The following COQ2 variants were observed in gnomAD, a reference collection of about 807,000 sequenced individuals.
COQ2 encodes the protein 4-hydroxybenzoate polyprenyltransferase, mitochondrial.
COQ2 carries 25 observed loss-of-function variants against 35.7 expected under a neutral mutation model. That is an observed-to-expected ratio of 0.70 (90% confidence interval 0.51 to 0.98). COQ2 has a LOEUF of 0.98. Among genes scored for constraint, COQ2 ranks in the 50% least tolerant of loss-of-function variants. The pLI, the probability that COQ2 is intolerant of heterozygous loss-of-function variation, is 0.00. For synonymous variants in COQ2, 206 were observed against 186.2 expected (o/e 1.11, Z -0.86); for missense variants, 488 against 473.5 (o/e 1.03, Z -0.28).
chr4:83,284,394 C>G lies in COQ2; in HGVS notation c.253+118G>C, dbSNP rs1196949547. On this transcript the variant is annotated intron_variant, in intron 1 of 6. Transcript: ENST00000647002. The stretch of plus-strand genomic sequence containing the variant: ...GCGCACGGCACCCGGCAGCCAAGCC[C>G]AAGCTTTCAGGTTCTCATTTCCATC... The G allele has an allele frequency of 3.4e-5, 48 of 1,421,446 alleles. No individual in the cohort carries two copies. The South Asian group carries it at 6.9e-4, about 21-fold the overall frequency. The allele number at this position is 1,421,446 out of a possible 1,614,324, so 88.1% of individuals were successfully genotyped here. A position where few individuals can be genotyped will look rare whatever the true frequency, so the allele number is the denominator to read the frequency against.
chr4:83,276,077 A>AAT (rs1300354853), intron 2 of COQ2, among the ~76,000 whole-genome samples: 35 of 139,058 alleles, frequency 2.5e-4, no homozygotes, highest in African/African-American at 6.6e-4. Context: ...TTTTATATAT[A>AAT]ATATATATAT....
At chr4:83,272,759 T>C (rs900429906) in intron 3 of COQ2, among the ~76,000 whole-genome samples, 5 of 152,140 alleles carry the variant, frequency 3.3e-5, no homozygotes, top group African/African-American at 1.2e-4. Context: ...TCCTTATATA[T>C]ATGATGCAGT....
At chr4:83,284,477 G>C in intron 1 of COQ2, 35 bp downstream of exon 1, 1 of 1,538,036 alleles carries the variant, frequency 6.5e-7, no homozygotes, top group Non-Finnish European at 8.8e-7. Context: ...GCTGCTACTT[G>C]CAAATTCCCG....
chr4:83,281,264 G>C (rs1448887996), intron 1 of COQ2, among the ~76,000 whole-genome samples: 1 of 152,214 alleles, frequency 6.6e-6, no homozygotes, highest in Non-Finnish European at 1.5e-5. Flanking sequence ...CTAGAGAAGA[G>C]AGAATACCAC....
At chr4:83,280,334 T>C (rs1437909394) in intron 1 of COQ2, among the ~76,000 whole-genome samples, 4 of 152,216 alleles carry the variant, frequency 2.6e-5, no homozygotes, top group Non-Finnish European at 5.9e-5. Flanking sequence ...TCTTTCCCTA[T>C]AGAGGGATAC....
chr4:83,276,820 A>T (rs1735196934), intron 2 of COQ2, among the ~76,000 whole-genome samples: 1 of 152,236 alleles, frequency 6.6e-6, no homozygotes, highest in Admixed American at 6.5e-5. Flanking sequence ...TGACTAGATT[A>T]AAAAATGTGG....
intron 1 of COQ2, chr4:83,282,643 CATATT>C (rs1372468720): frequency 9.2e-6 from 4 of 433,544 alleles, no homozygotes; most frequent in Non-Finnish European, 1.2e-5. Flanking sequence ...TTCTTCAGCA[CATATT>C]ATGACAGGCA....
chr4:83,276,429 T>C (rs7658552), intron 2 of COQ2, among the ~76,000 whole-genome samples: 96,493 of 152,034 alleles, frequency 0.63, 32,057 homozygotes, highest in East Asian at 0.87. Context: ...TTTGTTTCTG[T>C]TGTGTTTCCT....
In COQ2 at chr4:83,284,639, G is replaced by T; in HGVS notation, c.126C>A (p.Asp42Glu). ...ARAAGAPHGG[D>E]LQPPACPEPR... ...GCTCGGGACAGGCGGGGGGCTGCAA[G>T]TCACCACCGTGGGGCGCGCCTGCCG... The change falls in exon 1 of 7, where the codon GAC (aspartate) becomes GAA (glutamate). Residue 42 changes from aspartate to glutamate, a missense_variant. Physicochemically the swap from Asp to Glu is conservative, Grantham distance 45 (BLOSUM62 2). Transcript: ENST00000647002. 1.3e-6 allele frequency: 2 copies of T among 1,496,440 alleles called. No individual in the cohort carries two copies. The highest frequency in any genetic ancestry group is 8.9e-7 in the Non-Finnish European group (1 of 1,125,924). The allele number at this position is 1,496,440 out of a possible 1,614,324, so 92.7% of individuals were successfully genotyped here.
rs181399056 is a variant in COQ2 at position 83,270,081 on chromosome 4, G to A, written c.629-88C>T. The stretch of plus-strand genomic sequence containing the variant: ...GGAGTGGCATCGGAGTGTGTTCAGT[G>A]CTCCTGGGTATCAGACTCTGTGTGT... On this transcript the variant is annotated intron_variant, in intron 4 of 6. Coordinates refer to ENST00000647002, the MANE Select transcript of COQ2 (RefSeq NM_001358921.2). The A allele has an allele frequency of 1.7e-5, 24 of 1,410,020 alleles. No homozygotes were observed. The East Asian group carries it at 4.8e-4, about 28-fold the overall frequency. The allele number at this position is 1,410,020 out of a possible 1,614,324, so 87.3% of individuals were successfully genotyped here. A position where few individuals can be genotyped will look rare whatever the true frequency, so the allele number is the denominator to read the frequency against.
At chr4:83,281,742 A>G (rs1260966471) in intron 1 of COQ2, 1 of 152,194 alleles carries the variant, frequency 6.6e-6, no homozygotes, top group Non-Finnish European at 1.5e-5. Flanking sequence ...GATAGGCACT[A>G]TTTTTATTAC....
In COQ2 at chr4:83,284,589, G is replaced by A. The variant is rs538991018; in HGVS notation, c.176C>T (p.Ser59Phe). ...CGCAGAGTCCACCACCGCCGCCGCGGACAAACTGAGCTGGCGCCCGCGCGG... is the reference window on the plus strand; with the variant it reads ...CGCAGAGTCCACCACCGCCGCCGCGAACAAACTGAGCTGGCGCCCGCGCGG... ...PEPRGRQLSL[S>F]AAAVVDSAPR... is the part of the protein sequence containing the mutation. Residue 59 changes from serine to phenylalanine, a missense_variant, in exon 1 of 7, where the codon TCC becomes TTC. By Grantham distance (155) the Ser-to-Phe change is radical. Transcript: ENST00000647002. 8 of 1,545,614 alleles carry A rather than the reference G, an allele frequency of 5.2e-6. No homozygotes were observed. In the South Asian group the frequency reaches 9.6e-5, roughly 18 times the overall value.
rs886059669 is a variant in COQ2 at position 83,267,729 on chromosome 4, G to A, written c.808C>T (p.Arg270Trp). The A allele has an allele frequency of 8.2e-5, 128 of 1,551,984 alleles. 1 individual carries two copies. The highest frequency in any genetic ancestry group is 3.5e-4 in the Admixed American group (18 of 50,968). ...VLIGLKSTALRFGENTKPWLS... is the reference protein window; with the variant it reads ...VLIGLKSTALWFGENTKPWLS... ...CACGGCTTGGTATTTTCTCCGAACCGCAGAGCCGTTGACTTAAGACCAATC... is the reference window on the plus strand; with the variant it reads ...CACGGCTTGGTATTTTCTCCGAACCACAGAGCCGTTGACTTAAGACCAATC... Residue 270 changes from arginine to tryptophan, a missense_variant, in exon 6 of 7, where the codon CGG becomes TGG. Arg to Trp is a moderately radical substitution (Grantham distance 101). Transcript: ENST00000647002.
intron 1 of COQ2, among the ~76,000 whole-genome samples, chr4:83,280,658 A>G (rs1735298838): frequency 6.6e-6 from 1 of 152,234 alleles, no homozygotes; most frequent in Non-Finnish European, 1.5e-5. Context: ...ATAAAACAAA[A>G]CTATCTAAGT....
chr4:83,283,576 T>G (rs561962808), intron 1 of COQ2: 2 of 985,490 alleles, frequency 2.0e-6, no homozygotes, highest in African/African-American at 3.5e-5. Context: ...TTTCTCTTTT[T>G]CCTGTAGCAC....
intron 5 of COQ2, among the ~76,000 whole-genome samples, chr4:83,269,231 AT>A (rs1049466752): frequency 2.6e-5 from 4 of 151,970 alleles, no homozygotes; most frequent in East Asian, 3.9e-4. Flanking sequence ...GAAACTGTGA[AT>A]TTTTTTTTAA....
Position 83,284,526 on chromosome 4 carries a change from A to G in COQ2, c.239T>C (p.Leu80Ser). Residue 80 changes from leucine to serine, a missense_variant, in exon 1 of 7, where the codon TTG becomes TCG. Transcript: ENST00000647002. The stretch of plus-strand genomic sequence containing the variant: ...CCCGCACTCACCAATGGGCTTGTCC[A>G]ACCGCATGAGGCGCAAGTACGGCTG... The part of the protein sequence containing the change: ...PLQPYLRLMR[L>S]DKPIGTWLLY... The G allele has an allele frequency of 1.3e-6, 2 of 1,575,224 alleles. No individual in the cohort carries two copies. The highest frequency in any genetic ancestry group is 1.7e-6 in the Non-Finnish European group (2 of 1,162,406).
chr4:83,275,069 T>C (rs533265057), intron 2 of COQ2, among the ~76,000 whole-genome samples: 1 of 152,348 alleles, frequency 6.6e-6, no homozygotes, highest in South Asian at 2.1e-4. Context: ...TCAAGAATGT[T>C]TGTAATTGCT....
chr4:83,271,347 T>G lies in COQ2; in HGVS notation c.628+740A>C, dbSNP rs1336461997. ...AATCCTATGGTAGCCCAGAAGAGAC[T>G]GTCTAACTTCTTCCTGAGAGGCTTC... On this transcript the variant is annotated intron_variant, in intron 4 of 6. Transcript: ENST00000647002. Among the ~76,000 whole-genome samples, 4 of 152,170 alleles carry G rather than the reference T, an allele frequency of 2.6e-5. No individual in the cohort carries two copies. The East Asian group carries it at 7.7e-4, about 29-fold the overall frequency.
Sources: gnomAD v4.1 joint callset for allele counts (sites outside exome capture counted in the v4.1 genomes callset) on GRCh38, gnomAD v4.1.1 for gene constraint, MANE v1.5 for transcripts, NCBI Gene and HGNC (gene_info 2026-07-23, HGNC 2026-07-21) for gene names.